Variants in UNC5D observed in about 807,000 individuals in gnomAD.
The protein encoded by UNC5D is unc-5 netrin receptor D, also known as netrin receptor UNC5D.
Under a neutral mutation model 105.4 loss-of-function variants are expected in UNC5D, and 39 were observed. That is an observed-to-expected ratio of 0.37 (90% CI 0.29 to 0.48). The LOEUF is 0.48. Among genes scored for constraint, UNC5D ranks in the 20% least tolerant of loss-of-function variants. UNC5D has a pLI of 0.98. For missense variants in UNC5D, 991 were observed against 1,202.4 expected (o/e 0.82, Z 2.60); for synonymous variants, 452 against 450.4 (o/e 1.00, Z -0.04).
chr8:35,425,197 G>T (rs116613022), intron 1 of UNC5D, among the ~76,000 whole-genome samples: 7,516 of 152,172 alleles, frequency 0.049, 212 homozygotes, highest in African/African-American at 0.073. Flanking sequence ...AAAATAAAAA[G>T]AAAAAAGAAA....
At chr8:35,394,871 A>T (rs1804001298) in intron 1 of UNC5D, among the ~76,000 whole-genome samples, 1 of 152,190 alleles carries the variant, frequency 6.6e-6, no homozygotes, top group East Asian at 1.9e-4. Context: ...CACAAGGGAC[A>T]ACCTTTAGAT....
chr8:35,524,092 G>A (rs2130475502), intron 1 of UNC5D, among the ~76,000 whole-genome samples: 1 of 10,638 alleles, frequency 9.4e-5, no homozygotes, highest in East Asian at 1.5e-3. Flanking sequence ...CTGGGCTAGT[G>A]GCTCTGGATA....
At chr8:35,712,049 G>A (rs1165093665) in intron 8 of UNC5D, among the ~76,000 whole-genome samples, 1 of 152,150 alleles carries the variant, frequency 6.6e-6, no homozygotes, top group Non-Finnish European at 1.5e-5. Context: ...AAGGTGGGTG[G>A]ATCACAAGGT....
chr8:35,261,640 G>C (rs1334284482), intron 1 of UNC5D, among the ~76,000 whole-genome samples: 1 of 151,882 alleles, frequency 6.6e-6, no homozygotes, highest in Non-Finnish European at 1.5e-5. Flanking sequence ...GTAGGGGGGT[G>C]GGGGGCGTGT....
intron 1 of UNC5D, among the ~76,000 whole-genome samples, chr8:35,299,769 A>T (rs1807783214): frequency 6.6e-6 from 1 of 152,210 alleles, no homozygotes; most frequent in East Asian, 1.9e-4. Flanking sequence ...GCTATTACCT[A>T]AATATTCACA....
intron 4 of UNC5D, among the ~76,000 whole-genome samples, chr8:35,607,603 T>G (rs1427134774): frequency 2.0e-5 from 3 of 152,176 alleles, no homozygotes; most frequent in African/African-American, 7.2e-5. Flanking sequence ...CATTGAATCA[T>G]GTGGACAGTT....
chr8:35,249,599 AATAAAAT>A (rs914975501), intron 1 of UNC5D, among the ~76,000 whole-genome samples: 9 of 145,930 alleles, frequency 6.2e-5, no homozygotes, highest in Non-Finnish European at 1.4e-4. Flanking sequence ...TAATAATAAT[AATAAAAT>A]AAATAAATAA....
chr8:35,786,104 T>G lies in UNC5D; in HGVS notation c.2658-4255T>G, dbSNP rs578177552. ...TTTGTTACATTTGTAGTACTTACAT[T>G]TATAATGCCTTGAAAATGGCATTTA... On this transcript the variant is annotated intron_variant, in intron 16 of 16. Transcript: ENST00000404895. Among the ~76,000 whole-genome samples the G allele has an allele frequency of 3.3e-5, 5 of 152,304 alleles. No homozygotes were observed. In the East Asian group the frequency reaches 7.7e-4, roughly 24 times the overall value.
chr8:35,590,179 A>C (rs1392445476), intron 3 of UNC5D, among the ~76,000 whole-genome samples: 1 of 152,000 alleles, frequency 6.6e-6, no homozygotes, highest in Non-Finnish European at 1.5e-5. Context: ...TTTGTTTCAT[A>C]AGAGCTCTTT....
chr8:35,340,640 G>T (rs1245812506), intron 1 of UNC5D, among the ~76,000 whole-genome samples: 1 of 152,050 alleles, frequency 6.6e-6, no homozygotes, highest in East Asian at 1.9e-4. Context: ...CAATTTATTT[G>T]GTCATTTGGG....
intron 1 of UNC5D, among the ~76,000 whole-genome samples, chr8:35,398,437 G>A (rs959716750): frequency 6.6e-6 from 1 of 151,810 alleles, no homozygotes; most frequent in Admixed American, 6.6e-5. Context: ...GAGCTCATGG[G>A]CATTATAGCC....
At position 35,568,170 on chromosome 8, in the gene UNC5D, A is replaced by G; in HGVS notation, c.395A>G (p.Tyr132Cys). The G allele has an allele frequency of 3.1e-6, 5 of 1,614,194 alleles. No individual in the cohort carries two copies. The highest frequency in any genetic ancestry group is 1.1e-5 in the South Asian group (1 of 91,084). ...QVEDFHGPED[Y>C]WCQCVAWSHL... ...GAGGACTTCCATGGGCCCGAGGACT[A>G]TTGGTGCCAGTGTGTGGCGTGGAGC... is the stretch of plus-strand genomic sequence containing the variant. Residue 132 changes from tyrosine to cysteine, a missense_variant, in exon 3 of 17, where the codon TAT (tyrosine) becomes TGT (cysteine). Physicochemically the swap from Tyr to Cys is radical, Grantham distance 194. This residue lies in a region of UNC5D where 944 missense variants were observed against 1,131.6 expected (regional missense o/e 0.83). Coordinates refer to ENST00000404895, the MANE Select transcript of UNC5D (RefSeq NM_080872.4).
At chr8:35,511,474 TAAA>T (rs60185539) in intron 1 of UNC5D, among the ~76,000 whole-genome samples, 2,380 of 96,894 alleles carry the variant, frequency 0.025, 75 homozygotes, top group African/African-American at 0.071. Context: ...CCTCTAAGAT[TAAA>T]AAAAAAAAAA....
chr8:35,546,889 T>C (rs12544168), intron 1 of UNC5D, among the ~76,000 whole-genome samples: 22,717 of 152,230 alleles, frequency 0.15, 2,144 homozygotes, highest in Admixed American at 0.25. Flanking sequence ...CTTTATTGTA[T>C]TTTTGACATA....
intron 1 of UNC5D, among the ~76,000 whole-genome samples, chr8:35,359,901 G>T (rs1257298273): frequency 6.6e-6 from 1 of 152,164 alleles, no homozygotes; most frequent in Non-Finnish European, 1.5e-5. Context: ...GAACTTTAAT[G>T]CAGTGAGCCA....
chr8:35,445,280 G>C (rs1349151615), intron 1 of UNC5D, among the ~76,000 whole-genome samples: 1 of 151,990 alleles, frequency 6.6e-6, no homozygotes, highest in Non-Finnish European at 1.5e-5. Context: ...TTTGTGGCAA[G>C]CAACTACAAA....
chr8:35,544,756 C>A lies in UNC5D; in HGVS notation c.104-4536C>A, dbSNP rs1047909310. ...TAGCTGGGATTACAGGCATGTGCCACCACACCTGGCTAATTTTTGTATTTT... is the reference window on the plus strand; with the variant it reads ...TAGCTGGGATTACAGGCATGTGCCAACACACCTGGCTAATTTTTGTATTTT... On this transcript the variant is annotated intron_variant, in intron 1 of 16. Transcript: ENST00000404895. 2.6e-5 allele frequency among the ~76,000 whole-genome samples: 4 copies of A among 152,050 alleles called. No individual in the cohort carries two copies. In the South Asian group the frequency reaches 8.3e-4, roughly 32 times the overall value.
At chr8:35,688,324 C>T (rs1160048941) in intron 7 of UNC5D, among the ~76,000 whole-genome samples, 2 of 151,620 alleles carry the variant, frequency 1.3e-5, no homozygotes, top group African/African-American at 4.8e-5. Context: ...GGGAAGATGA[C>T]AGTATGTAGG....
At chr8:35,503,953 A>C (rs1812141556) in intron 1 of UNC5D, among the ~76,000 whole-genome samples, 1 of 152,220 alleles carries the variant, frequency 6.6e-6, no homozygotes, top group Non-Finnish European at 1.5e-5. Context: ...TTCCAGAAAC[A>C]ATCCTATAAA....
Sources: allele counts gnomAD v4.1 joint callset (sites outside exome capture counted in the v4.1 genomes callset), GRCh38; gene constraint gnomAD v4.1.1; regional missense constraint gnomAD v4.1.1; transcripts MANE v1.5; gene names NCBI Gene and HGNC (gene_info 2026-07-23, HGNC 2026-07-21).